The following PCDH19 variants were observed in gnomAD, a reference collection of about 807,000 sequenced individuals.
PCDH19 encodes protocadherin-19.
In PCDH19, 6 loss-of-function variants were observed where a neutral mutation model predicts 46.2. The observed-to-expected ratio is 0.13, with a 90% CI of 0.07 to 0.26. The LOEUF is 0.26. Among genes scored for constraint, PCDH19 ranks in the 10% least tolerant of loss-of-function variants. PCDH19 has a pLI of 1.00. For synonymous variants in PCDH19, 481 were observed against 415.7 expected (o/e 1.16, Z -1.91); for missense variants, 740 against 972.3 (o/e 0.76, Z 3.18).
intron 5 of PCDH19, among the ~76,000 whole-genome samples, chrX:100,337,100 T>C (rs1465894587): frequency 1.3e-4 from 14 of 111,348 alleles, no homozygotes; most frequent in Non-Finnish European, 3.8e-5. Flanking sequence ...CACCTCTCAC[T>C]ACTCTACTTG....
intron 1 of PCDH19, among the ~76,000 whole-genome samples, chrX:100,404,814 A>C (rs1928297732): frequency 9.0e-6 from 1 of 111,608 alleles, no homozygotes; most frequent in African/African-American, 3.3e-5. Flanking sequence ...GCTTAAAAAG[A>C]GTCCTCTCCA....
intron 3 of PCDH19, among the ~76,000 whole-genome samples, chrX:100,381,449 A>G (rs1216917461): frequency 1.8e-5 from 2 of 112,113 alleles, no homozygotes; most frequent in African/African-American, 6.5e-5. Context: ...CTACTCAATG[A>G]CAGGGAAATT....
At position 100,406,719 on chromosome X, in the gene PCDH19, T is replaced by A. The variant is rs768933579; in HGVS notation, c.1879A>T (p.Thr627Ser). 1 of 1,211,589 alleles carries A rather than the reference T, an allele frequency of 8.3e-7. No individual in the cohort carries two copies. The highest frequency in any genetic ancestry group is 1.8e-5 in the South Asian group (1 of 56,974). ...IDQVNGEVRTTRTFGESSKSS... is the reference protein window; with the variant it reads ...IDQVNGEVRTSRTFGESSKSS... ...TTGGAGCTCTCCCCGAAGGTGCGGG[T>A]GGTTCTGACTTCGCCATTGACCTGG... The change falls in exon 1 of 6, where the codon ACC (threonine) becomes TCC (serine). Residue 627 changes from threonine to serine, a missense_variant. Transcript: ENST00000373034.
chrX:100,330,641 C>A (rs1054514167), intron 5 of PCDH19, among the ~76,000 whole-genome samples: 4 of 112,043 alleles, frequency 3.6e-5, no homozygotes, highest in Non-Finnish European at 7.5e-5. Flanking sequence ...AGGGACTAGA[C>A]CATAATTTAG....
At chrX:100,315,202 A>G (rs761199312) in intron 5 of PCDH19, among the ~76,000 whole-genome samples, 32 of 112,352 alleles carry the variant, frequency 2.8e-4, no homozygotes, top group African/African-American at 1.0e-3. Context: ...AGCACCCCTT[A>G]CAAGAAAAAC....
At chrX:100,317,320 C>G (rs1191348021) in intron 5 of PCDH19, among the ~76,000 whole-genome samples, 1 of 112,185 alleles carries the variant, frequency 8.9e-6, no homozygotes. Flanking sequence ...CAGACTAAGA[C>G]TACTCCTTGC....
chrX:100,321,108 C>T (rs1321076574), intron 5 of PCDH19, among the ~76,000 whole-genome samples: 1 of 111,749 alleles, frequency 8.9e-6, no homozygotes, highest in Non-Finnish European at 1.9e-5. Flanking sequence ...CTGCAAATGC[C>T]GTTAATTTAT....
intron 5 of PCDH19, among the ~76,000 whole-genome samples, chrX:100,331,214 C>T (rs912546812): frequency 1.8e-5 from 2 of 112,201 alleles, no homozygotes; most frequent in Non-Finnish European, 3.8e-5. Context: ...CACACACTTA[C>T]AGTCCCAAAG....
At chrX:100,336,466 T>C (rs1293061619) in intron 5 of PCDH19, among the ~76,000 whole-genome samples, 1 of 112,019 alleles carries the variant, frequency 8.9e-6, no homozygotes, top group Non-Finnish European at 1.9e-5. Context: ...GGCAAATTTG[T>C]TAACAGCAGT....
At chrX:100,369,062 C>A (rs969334) in intron 3 of PCDH19, among the ~76,000 whole-genome samples, 30,947 of 110,663 alleles carry the variant, frequency 0.28, 3,535 homozygotes, top group Middle Eastern at 0.51. Flanking sequence ...GTTAATATTT[C>A]TTCTGTCATT....
chrX:100,352,968 C>T (rs1268493036), intron 3 of PCDH19, among the ~76,000 whole-genome samples: 1 of 112,349 alleles, frequency 8.9e-6, no homozygotes, highest in Non-Finnish European at 1.9e-5. Context: ...TTTCACTCTG[C>T]GATCTTGGGC....
At chrX:100,368,582 CCCTT>C (rs1927134941) in intron 3 of PCDH19, among the ~76,000 whole-genome samples, 1 of 111,724 alleles carries the variant, frequency 9.0e-6, no homozygotes, top group African/African-American at 3.3e-5. Context: ...TCACCTTTCT[CCCTT>C]CCAGGAGCTG....
In PCDH19 at chrX:100,346,238, G is replaced by A. The variant is rs1337290315; in HGVS notation, c.2676-4163C>T. On this transcript the variant is annotated intron_variant, in intron 4 of 5. Coordinates refer to ENST00000373034, the MANE Select transcript of PCDH19 (RefSeq NM_001184880.2). ...AAATTCTGACCCATATTTACCATCT[G>A]AAATATTAGAACTCTTTTCCAAAAG... Among the ~76,000 whole-genome samples the A allele has an allele frequency of 1.8e-5, 2 of 112,106 alleles. 1 individual carries two copies. The highest frequency in any genetic ancestry group is 1.9e-4 in the Admixed American group (2 of 10,573).
At chrX:100,381,525 T>C (rs1056677584) in intron 3 of PCDH19, among the ~76,000 whole-genome samples, 3 of 111,832 alleles carry the variant, frequency 2.7e-5, no homozygotes, top group African/African-American at 9.8e-5. Context: ...CTTGGTTCTT[T>C]ACTTACGCCA....
intron 5 of PCDH19, 77 bp downstream of exon 5, chrX:100,341,826 A>G (rs1926256588): frequency 1.1e-6 from 1 of 913,921 alleles, no homozygotes; most frequent in African/African-American, 1.9e-5. Context: ...TCATTAAGCA[A>G]AGTAGTATAG....
At chrX:100,401,252 T>C (rs1408858293) in intron 3 of PCDH19, among the ~76,000 whole-genome samples, 1 of 111,990 alleles carries the variant, frequency 8.9e-6, no homozygotes, top group Admixed American at 9.5e-5. Flanking sequence ...AAATGTTACT[T>C]ATAGCCTTCC....
chrX:100,296,587 G>A lies in PCDH19; in HGVS notation c.3137C>T (p.Pro1046Leu). Residue 1046 changes from proline to leucine, a missense_variant, in exon 6 of 6, where the codon CCC becomes CTC. Around this residue, in one of 5 missense-constraint regions of PCDH19, gnomAD observed 416 missense variants for 476.8 expected, o/e 0.87. Transcript: ENST00000373034. Reference protein sequence around the residue: ...KRTVDVTICSPKVNSVIREAG... With the variant: ...KRTVDVTICSLKVNSVIREAG... ...CTCCCGGATAACGCTGTTGACCTTGGGGCTGCAGATGGTCACATCGACAGT... is the reference window on the plus strand; with the variant it reads ...CTCCCGGATAACGCTGTTGACCTTGAGGCTGCAGATGGTCACATCGACAGT... 1 of 1,211,425 alleles carries A rather than the reference G, an allele frequency of 8.3e-7. No homozygotes were observed. Among genetic ancestry groups the A allele is most frequent in the Non-Finnish European group, 1.1e-6 (1 of 895,440 alleles).
At chrX:100,376,684 TTC>T (rs200795607) in intron 3 of PCDH19, among the ~76,000 whole-genome samples, 36 of 93,808 alleles carry the variant, frequency 3.8e-4, no homozygotes, top group Non-Finnish European at 4.6e-4. Flanking sequence ...TTAGATTTTT[TTC>T]TTTATCTACA....
At chrX:100,339,289 G>A (rs996472702) in intron 5 of PCDH19, among the ~76,000 whole-genome samples, 1 of 111,777 alleles carries the variant, frequency 8.9e-6, no homozygotes, top group Admixed American at 9.5e-5. Context: ...AGGGGATTGG[G>A]GACTAGTTTT....
Sources: allele counts gnomAD v4.1 joint callset (sites outside exome capture counted in the v4.1 genomes callset), GRCh38; gene constraint gnomAD v4.1.1; regional missense constraint gnomAD v4.1.1; transcripts MANE v1.5; gene names NCBI Gene and HGNC (gene_info 2026-07-23, HGNC 2026-07-21).